HDAC9: variants seen among roughly 807,000 people sequenced by gnomAD.
HDAC9 encodes histone deacetylase 9, also known as MEF-2 interacting transcription repressor (MITR) protein.
A neutral mutation model predicts 139.4 loss-of-function variants in HDAC9; 41 were observed. The observed-to-expected ratio is 0.29, with a 90% CI of 0.23 to 0.38. The LOEUF is 0.38. HDAC9 is among the 10% of genes least tolerant of loss of function. HDAC9 has a pLI of 1.00. For missense variants in HDAC9, 1,147 were observed against 1,297.0 expected (o/e 0.88, Z 1.78); for synonymous variants, 517 against 476.2 (o/e 1.09, Z -1.12).
At chr7:18,345,905 CTGTT>C (rs1170413211) in intron 1 of HDAC9, among the ~76,000 whole-genome samples, 1 of 151,990 alleles carries the variant, frequency 6.6e-6, no homozygotes, top group African/African-American at 2.4e-5. Flanking sequence ...CTGTTTCTGT[CTGTT>C]TCTCTTCAAG....
chr7:18,558,253 TA>T (rs1819493125), intron 2 of HDAC9, among the ~76,000 whole-genome samples: 1 of 152,198 alleles, frequency 6.6e-6, no homozygotes, highest in Non-Finnish European at 1.5e-5. Flanking sequence ...GCTACTAAAA[TA>T]AATAAACATT....
intron 1 of HDAC9, among the ~76,000 whole-genome samples, chr7:18,485,916 A>T (rs770417129): frequency 6.6e-6 from 1 of 152,132 alleles, no homozygotes; most frequent in Non-Finnish European, 1.5e-5. Flanking sequence ...TTATTGTCTT[A>T]GTCTGTTTTG....
At chr7:18,976,590 GA>G (rs569776632) in intron 25 of HDAC9, among the ~76,000 whole-genome samples, 154 of 152,248 alleles carry the variant, frequency 1.0e-3, no homozygotes, top group African/African-American at 3.7e-3. Context: ...GATTTCTGGA[GA>G]AAAAATACAG....
At chr7:18,243,800 C>T (rs1205301478) in intron 2 of HDAC9, among the ~76,000 whole-genome samples, 3 of 152,042 alleles carry the variant, frequency 2.0e-5, no homozygotes, top group South Asian at 2.1e-4. Flanking sequence ...TCTGTGATTA[C>T]GTTAAGCTTC....
chr7:18,552,313 G>A (rs1817418245), intron 2 of HDAC9, among the ~76,000 whole-genome samples: 1 of 151,902 alleles, frequency 6.6e-6, no homozygotes, highest in Non-Finnish European at 1.5e-5. Context: ...CAGACTATTT[G>A]GAAATTAATT....
At chr7:18,728,556 C>T (rs1158483385) in intron 13 of HDAC9, among the ~76,000 whole-genome samples, 1 of 152,122 alleles carries the variant, frequency 6.6e-6, no homozygotes, top group Non-Finnish European at 1.5e-5. Flanking sequence ...CAAACTGTGG[C>T]TAATCAAATG....
intron 2 of HDAC9, among the ~76,000 whole-genome samples, chr7:18,283,932 C>A (rs914899319): frequency 6.6e-6 from 1 of 152,084 alleles, no homozygotes; most frequent in Admixed American, 6.5e-5. Flanking sequence ...GGAGTATTCT[C>A]CCCTCTGGCC....
chr7:18,925,518 C>T (rs1804139593), intron 22 of HDAC9, among the ~76,000 whole-genome samples: 1 of 152,082 alleles, frequency 6.6e-6, no homozygotes, highest in Non-Finnish European at 1.5e-5. Context: ...GTAGGTATCT[C>T]TTAATTGAAT....
At chr7:18,658,168 A>T (rs1791874150) in intron 11 of HDAC9, among the ~76,000 whole-genome samples, 1 of 151,894 alleles carries the variant, frequency 6.6e-6, no homozygotes, top group Admixed American at 6.6e-5. Context: ...GCTCCCTATC[A>T]CTTCGAGTTT....
At chr7:18,238,372 C>T (rs1488867843) in intron 2 of HDAC9, among the ~76,000 whole-genome samples, 2 of 152,154 alleles carry the variant, frequency 1.3e-5, no homozygotes, top group Non-Finnish European at 2.9e-5. Context: ...GTCATAACCA[C>T]GTCAGATTGT....
intron 2 of HDAC9, among the ~76,000 whole-genome samples, chr7:18,210,194 G>T (rs1215079194): frequency 2.0e-5 from 3 of 152,126 alleles, no homozygotes; most frequent in Non-Finnish European, 4.4e-5. Flanking sequence ...CAGATATTCT[G>T]TGGTGTTCTG....
chr7:18,731,329 A>G (rs1186466000), intron 13 of HDAC9, among the ~76,000 whole-genome samples: 3 of 152,138 alleles, frequency 2.0e-5, no homozygotes, highest in Admixed American at 6.5e-5. Flanking sequence ...ACACAGACAC[A>G]TTATAAAGCT....
intron 2 of HDAC9, among the ~76,000 whole-genome samples, chr7:18,575,100 A>G (rs371672813): frequency 3.1e-4 from 47 of 152,192 alleles, no homozygotes; most frequent in African/African-American, 1.0e-3. Context: ...ATGTTTTCCC[A>G]TTTTCTATTT....
At chr7:18,615,453 G>A (rs1336351943) in intron 6 of HDAC9, among the ~76,000 whole-genome samples, 1 of 151,956 alleles carries the variant, frequency 6.6e-6, no homozygotes, top group Non-Finnish European at 1.5e-5. Flanking sequence ...AGTATTTTAT[G>A]GTTAAATTAA....
chr7:18,089,558 G>T (rs1286146829), intron 1 of HDAC9, among the ~76,000 whole-genome samples: 1 of 152,032 alleles, frequency 6.6e-6, no homozygotes, highest in Non-Finnish European at 1.5e-5. Flanking sequence ...CAGCTGACCA[G>T]ATATAAACCT....
intron 23 of HDAC9, among the ~76,000 whole-genome samples, chr7:18,941,415 T>G (rs996655556): frequency 7.2e-5 from 11 of 152,170 alleles, no homozygotes; most frequent in African/African-American, 2.2e-4. Context: ...TCTCTTGAAT[T>G]GACTCTAGTA....
intron 21 of HDAC9, among the ~76,000 whole-genome samples, chr7:18,865,892 C>CT (rs1335814310): frequency 4.0e-5 from 6 of 151,482 alleles, no homozygotes; most frequent in African/African-American, 1.5e-4. Context: ...TACAATTAGA[C>CT]TATAGAGAAA....
chr7:18,931,559 G>C (rs1441548413), intron 22 of HDAC9, among the ~76,000 whole-genome samples: 3 of 152,142 alleles, frequency 2.0e-5, no homozygotes, highest in Admixed American at 1.3e-4. Flanking sequence ...TCAAGATATT[G>C]AGGAGATTCA....
chr7:18,118,878 T>C (rs1218778667), intron 1 of HDAC9, among the ~76,000 whole-genome samples: 2 of 152,172 alleles, frequency 1.3e-5, no homozygotes, highest in Admixed American at 1.3e-4. Context: ...AAGGGTAGTA[T>C]GGGAAATCGG....
Sources: gnomAD v4.1 joint callset for allele counts (sites outside exome capture counted in the v4.1 genomes callset) on GRCh38, gnomAD v4.1.1 for gene constraint, MANE v1.5 for transcripts, NCBI Gene and HGNC (gene_info 2026-07-23, HGNC 2026-07-21) for gene names.